The following ZC3H12B variants were observed in gnomAD, a reference collection of about 807,000 sequenced individuals.
The protein encoded by ZC3H12B is zinc finger CCCH-type containing 12B, also known as probable ribonuclease ZC3H12B.
Under a neutral mutation model 43.9 loss-of-function variants are expected in ZC3H12B, and 7 were observed. The observed-to-expected ratio is 0.16, with a 90% CI of 0.09 to 0.30. The LOEUF (loss-of-function observed/expected upper bound fraction) is 0.30. Among genes scored for constraint, ZC3H12B ranks in the 10% least tolerant of loss-of-function variants. The probability of loss-of-function intolerance (pLI) is 1.00; values close to 1 mark genes in which losing one functional copy is unlikely to be tolerated. For synonymous variants in ZC3H12B, 222 were observed against 241.7 expected, an observed-to-expected ratio of 0.92 and a Z score of 0.76; for missense variants, 475 against 670.2, an observed-to-expected ratio of 0.71 and a Z score of 3.22.
the ZC3H12B span, among the ~76,000 whole-genome samples, chrX:65,089,070 A>G: frequency 8.9e-6 from 1 of 111,913 alleles, no homozygotes; most frequent in African/African-American, 3.2e-5. Context: ...TTCTTTCATG[A>G]TCATAGTTAT....
chrX:65,035,161 C>G, the ZC3H12B span, among the ~76,000 whole-genome samples: 9 of 112,196 alleles, frequency 8.0e-5, no homozygotes, highest in African/African-American at 2.6e-4. Context: ...CCTGCGCCGC[C>G]GCCTTCTCTC....
chrX:65,375,515 T>A (rs1245166251), intron 2 of ZC3H12B, among the ~76,000 whole-genome samples: 1 of 111,867 alleles, frequency 8.9e-6, no homozygotes, highest in African/African-American at 3.3e-5. Flanking sequence ...GCACAGCTCA[T>A]GGCTGCGAAA....
chrX:65,091,806 C>A, the ZC3H12B span, among the ~76,000 whole-genome samples: 212 of 112,141 alleles, frequency 1.9e-3, no homozygotes, highest in African/African-American at 6.5e-3. Context: ...TGGGAATTAT[C>A]TGTATGTTCT....
the ZC3H12B span, among the ~76,000 whole-genome samples, chrX:65,228,015 C>T: frequency 9.0e-6 from 1 of 111,677 alleles, no homozygotes; most frequent in Admixed American, 9.5e-5. Flanking sequence ...AAGAGGGAAT[C>T]CTCCCTAACT....
the ZC3H12B span, chrX:65,328,239 A>G: frequency 4.0e-6 from 1 of 251,700 alleles, no homozygotes; most frequent in East Asian, 9.9e-5. Context: ...TCAGCATACT[A>G]TGCTCTCAAA....
chrX:65,351,558 A>C, the ZC3H12B span, among the ~76,000 whole-genome samples: 1 of 112,590 alleles, frequency 8.9e-6, no homozygotes, highest in Non-Finnish European at 1.9e-5. Context: ...AAAAATTTGC[A>C]ATCTATCCAT....
the ZC3H12B span, among the ~76,000 whole-genome samples, chrX:65,205,963 T>G: frequency 9.0e-6 from 1 of 111,307 alleles, no homozygotes; most frequent in Non-Finnish European, 1.9e-5. Flanking sequence ...ACCTAAGGAC[T>G]TGAAAGACCT....
chrX:65,269,451 C>A, the ZC3H12B span, among the ~76,000 whole-genome samples: 1 of 110,263 alleles, frequency 9.1e-6, no homozygotes, highest in Non-Finnish European at 1.9e-5. Flanking sequence ...AGAGTGCAAT[C>A]CTATTTACAA....
the ZC3H12B span, among the ~76,000 whole-genome samples, chrX:65,204,949 C>T: frequency 9.0e-6 from 1 of 111,718 alleles, no homozygotes; most frequent in African/African-American, 3.2e-5. Context: ...ATTTTTAAGA[C>T]AATTTAGTGT....
At chrX:65,205,506 T>C in the ZC3H12B span, among the ~76,000 whole-genome samples, 150 of 111,534 alleles carry the variant, frequency 1.3e-3, 1 homozygote, top group Middle Eastern at 4.6e-3. Context: ...TTCAGCAAAA[T>C]CAGCATAGAA....
the ZC3H12B span, among the ~76,000 whole-genome samples, chrX:65,035,433 C>T: frequency 1.8e-5 from 2 of 112,419 alleles, no homozygotes; most frequent in African/African-American, 6.5e-5. Flanking sequence ...CTTCTCATAG[C>T]CACCACTTTT....
chrX:65,251,373 A>T, the ZC3H12B span, among the ~76,000 whole-genome samples: 2 of 111,589 alleles, frequency 1.8e-5, no homozygotes, highest in Non-Finnish European at 3.8e-5. Context: ...AGGTAGCGTG[A>T]TGCCTCCAGC....
the ZC3H12B span, among the ~76,000 whole-genome samples, chrX:65,348,982 A>G: frequency 9.0e-6 from 1 of 111,564 alleles, no homozygotes; most frequent in Non-Finnish European, 1.9e-5. Flanking sequence ...ATTGACAAGG[A>G]TATTCAGGAC....
chrX:65,236,269 G>A, the ZC3H12B span, among the ~76,000 whole-genome samples: 55 of 111,869 alleles, frequency 4.9e-4, no homozygotes, highest in African/African-American at 1.7e-3. Flanking sequence ...GTCTGCCTCA[G>A]AATTTCTCTG....
At chrX:65,109,939 G>A in the ZC3H12B span, among the ~76,000 whole-genome samples, 1 of 111,293 alleles carries the variant, frequency 9.0e-6, no homozygotes, top group Admixed American at 9.6e-5. Context: ...TCCCTAATGA[G>A]CAATGATGCT....
At chrX:65,398,255 A>T (rs1430885483) in intron 2 of ZC3H12B, among the ~76,000 whole-genome samples, 1 of 112,179 alleles carries the variant, frequency 8.9e-6, no homozygotes, top group African/African-American at 3.2e-5. Flanking sequence ...CTTTTTACAG[A>T]AATAGAAAAA....
the ZC3H12B span, among the ~76,000 whole-genome samples, chrX:65,322,289 T>G: frequency 3.6e-5 from 4 of 111,894 alleles, no homozygotes; most frequent in Non-Finnish European, 7.5e-5. Flanking sequence ...ATTAATCTAT[T>G]CATTAGGAAT....
At chrX:65,370,207 G>A (rs2066226718) in intron 2 of ZC3H12B, among the ~76,000 whole-genome samples, 1 of 112,302 alleles carries the variant, frequency 8.9e-6, no homozygotes, top group Non-Finnish European at 1.9e-5. Context: ...TTATTAATTT[G>A]TAGTCGCATC....
chrX:65,469,349 G>T, intron 3 of ZC3H12B: 1 of 391,173 alleles, frequency 2.6e-6, no homozygotes. Context: ...CCAACCTGCT[G>T]GTCAATGCCA....
Sources: allele counts gnomAD v4.1 joint callset (sites outside exome capture counted in the v4.1 genomes callset), GRCh38; gene constraint gnomAD v4.1.1; transcripts MANE v1.5; gene names NCBI Gene and HGNC (gene_info 2026-07-23, HGNC 2026-07-21).